Variants in CDKL5 observed in about 807,000 individuals in gnomAD.
CDKL5 encodes cyclin-dependent kinase-like 5.
Under a neutral mutation model 61.7 loss-of-function variants are expected in CDKL5, and 8 were observed. The ratio of observed to expected loss-of-function variants is 0.13; its 90% CI spans 0.08 to 0.23. CDKL5 has a LOEUF of 0.23. CDKL5 is among the 10% of genes least tolerant of loss of function. CDKL5 has a pLI of 1.00. For missense variants in CDKL5, 440 were observed against 734.5 expected, an observed-to-expected ratio of 0.60 and a Z score of 4.63; for synonymous variants, 275 against 272.3, an observed-to-expected ratio of 1.01 and a Z score of -0.10.
intron 9 of CDKL5, among the ~76,000 whole-genome samples, chrX:18,595,112 G>A (rs1312667856): frequency 1.8e-5 from 2 of 112,040 alleles, no homozygotes; most frequent in African/African-American, 3.2e-5. Context: ...AACCCGGGAG[G>A]CAGAGGTTGC....
intron 5 of CDKL5, among the ~76,000 whole-genome samples, chrX:18,577,131 T>G (rs2147140764): frequency 8.9e-6 from 1 of 112,095 alleles, no homozygotes; most frequent in South Asian, 3.7e-4. Flanking sequence ...AAGAAAATTT[T>G]GACATCTCTT....
At chrX:18,617,871 C>A (rs777119479) in intron 15 of CDKL5, among the ~76,000 whole-genome samples, 1 of 111,920 alleles carries the variant, frequency 8.9e-6, no homozygotes, top group South Asian at 3.8e-4. Flanking sequence ...TATCCAGTGC[C>A]TCTTGAAAAG....
chrX:18,537,449 T>G (rs1923882228), intron 3 of CDKL5, among the ~76,000 whole-genome samples: 1 of 112,269 alleles, frequency 8.9e-6, no homozygotes, highest in Admixed American at 9.4e-5. Context: ...ATAATTACAG[T>G]ATAGTATCGT....
At chrX:18,611,078 A>G (rs1926533998) in intron 14 of CDKL5, among the ~76,000 whole-genome samples, 1 of 111,781 alleles carries the variant, frequency 8.9e-6, no homozygotes, top group Admixed American at 9.5e-5. Flanking sequence ...ACCTTTGGAA[A>G]AGCATAAGGT....
chrX:18,584,027 T>G (rs1223873562), intron 7 of CDKL5, among the ~76,000 whole-genome samples: 1 of 112,017 alleles, frequency 8.9e-6, no homozygotes, highest in Non-Finnish European at 1.9e-5. Context: ...CCGGTTTTCT[T>G]TAGCATAGTG....
intron 2 of CDKL5, among the ~76,000 whole-genome samples, chrX:18,509,195 A>G (rs1005996177): frequency 2.3e-4 from 15 of 64,689 alleles, no homozygotes; most frequent in Non-Finnish European, 3.7e-4. Flanking sequence ...GTCTCAAAAC[A>G]CGCACACACA....
At chrX:18,641,097 G>C (rs1368220596), downstream of CDKL5, 3 of 112,652 alleles carry the variant, frequency 2.7e-5, no homozygotes, top group Non-Finnish European at 5.6e-5. Flanking sequence ...CCTCCTCTGA[G>C]TAGCCAGTGG....
chrX:18,503,485 A>G (rs895762741), intron 1 of CDKL5, among the ~76,000 whole-genome samples: 3 of 112,189 alleles, frequency 2.7e-5, no homozygotes, highest in Middle Eastern at 4.6e-3. Flanking sequence ...TGCCCCGCCC[A>G]TAAATGTGAT....
intron 1 of CDKL5, among the ~76,000 whole-genome samples, chrX:18,473,968 A>G (rs1379760854): frequency 9.3e-6 from 1 of 107,082 alleles, no homozygotes; most frequent in Non-Finnish European, 1.9e-5. Flanking sequence ...TCCTGGGTTC[A>G]AGTGATTCTC....
intron 5 of CDKL5, 28 bp from the exon 6 acceptor site, chrX:18,579,820 G>T (rs1211975070): frequency 1.7e-6 from 2 of 1,194,733 alleles, no homozygotes; most frequent in Non-Finnish European, 2.3e-6. Context: ...ACCTAATTTG[G>T]GAAATAATGA....
chrX:18,640,427 T>TCCCCCCCCCCCCCCCCCCCCC (rs1300468144), downstream of CDKL5: 1 of 31,594 alleles, frequency 3.2e-5, no homozygotes, highest in Non-Finnish European at 5.4e-5. Flanking sequence ...CAGGGATAAG[T>TCCCCCCCCCCCCCCCCCCCCC]CCCCCCACCC....
rs1927503369 is a variant in CDKL5 at position 18,639,863 on chromosome X, G to A, written c.*11106G>A. 1 of 111,908 alleles carries A rather than the reference G, an allele frequency of 8.9e-6. No individual in the cohort carries two copies. The highest frequency in any genetic ancestry group is 1.9e-5 in the Non-Finnish European group (1 of 53,201). The allele number at this position is 111,908 out of a possible 1,213,427, so 9.2% of individuals were successfully genotyped here. A position where few individuals can be genotyped will look rare whatever the true frequency, so the allele number is the denominator to read the frequency against. On this transcript the variant is annotated 3_prime_UTR_variant, in exon 18 of 18. Coordinates refer to ENST00000623535, the MANE Select transcript of CDKL5 (RefSeq NM_001323289.2). ...ATAGTGATACACATGTTATAACGTG[G>A]ATGAACTTTAAAACACTATGCTAAG... is the stretch of plus-strand genomic sequence containing the variant.
At chrX:18,548,845 G>A (rs961901906) in intron 3 of CDKL5, among the ~76,000 whole-genome samples, 2 of 112,124 alleles carry the variant, frequency 1.8e-5, no homozygotes, top group African/African-American at 6.5e-5. Flanking sequence ...GTTTTGTTAA[G>A]CTCGTGCCTG....
chrX:18,640,391 A>AAT (rs1927522187), downstream of CDKL5: 1 of 107,642 alleles, frequency 9.3e-6, no homozygotes, highest in African/African-American at 3.4e-5. Flanking sequence ...TTCTATCCAA[A>AAT]ATAGATTTGT....
intron 21 of CDKL5, among the ~76,000 whole-genome samples, chrX:18,651,139 C>CCCGCCACACCCT (rs1928013363): frequency 9.7e-6 from 1 of 102,976 alleles, no homozygotes; most frequent in South Asian, 4.9e-4. Flanking sequence ...CACCGCACCC[C>CCCGCCACACCCT]CCGCCACACC....
At chrX:18,449,902 C>T (rs778413725) in intron 1 of CDKL5, among the ~76,000 whole-genome samples, 2 of 110,851 alleles carry the variant, frequency 1.8e-5, no homozygotes, top group South Asian at 7.7e-4. Flanking sequence ...TCAAGCGATT[C>T]CCCTGCCTCG....
Position 18,635,405 on chromosome X carries a change from G to A in CDKL5, c.*6648G>A, listed in dbSNP as rs1320080714. On this transcript the variant is annotated 3_prime_UTR_variant, in exon 18 of 18. Coordinates refer to ENST00000623535, the MANE Select transcript of CDKL5 (RefSeq NM_001323289.2). Reference sequence around the variant, plus strand: ...AGATTTTGCACTGACTGATGTGACTGCCAGGCCGTCCCAATCTTGAGCACT... The same window carrying A: ...AGATTTTGCACTGACTGATGTGACTACCAGGCCGTCCCAATCTTGAGCACT... 8.0e-6 allele frequency: 6 copies of A among 752,606 alleles called. No homozygotes were observed. Among genetic ancestry groups the A allele is most frequent in the Non-Finnish European group, 9.4e-6 (6 of 638,997 alleles). 62.0% of individuals were successfully genotyped at this position (752,606 alleles called of 1,213,427 possible).
chrX:18,427,764 T>A (rs1931399284), intron 1 of CDKL5, among the ~76,000 whole-genome samples: 1 of 111,920 alleles, frequency 8.9e-6, no homozygotes, highest in Admixed American at 9.6e-5. Context: ...GAGTAATTCC[T>A]TTTTTCCTGG....
chrX:18,587,987 G>A lies in CDKL5; in HGVS notation c.588G>A (p.Ser196=), dbSNP rs750492179. ...APYGKSVDMW[S]VGCILGELSD... ...ATGGAAAGTCCGTGGACATGTGGTC[G>A]GTGGGCTGTATTCTTGGGGAGCTTA... Residue 196 remains serine, a synonymous_variant, in exon 9 of 18, where the codon TCG becomes TCA. Coordinates refer to ENST00000623535, the MANE Select transcript of CDKL5 (RefSeq NM_001323289.2). 4.1e-6 allele frequency: 5 copies of A among 1,210,779 alleles called. No individual in the cohort carries two copies. The highest frequency in any genetic ancestry group is 4.3e-5 in the Admixed American group (2 of 45,992).
Sources: allele counts gnomAD v4.1 joint callset (sites outside exome capture counted in the v4.1 genomes callset), GRCh38; gene constraint gnomAD v4.1.1; transcripts MANE v1.5; gene names NCBI Gene and HGNC (gene_info 2026-07-23, HGNC 2026-07-21).